BBOF1: variants seen among roughly 807,000 people sequenced by gnomAD.
BBOF1 encodes the protein basal body orientation factor 1.
BBOF1 carries 62 observed loss-of-function variants against 68.0 expected under a neutral mutation model. The ratio of observed to expected loss-of-function variants is 0.91; its 90% CI spans 0.74 to 1.13. BBOF1 has a LOEUF of 1.13. Ranked by LOEUF, BBOF1 falls within the 50% of genes most tolerant of loss-of-function variation. The pLI, the probability that BBOF1 is intolerant of heterozygous loss-of-function variation, is 0.00. For missense variants in BBOF1, 534 were observed against 600.1 expected (o/e 0.89, Z 1.15); for synonymous variants, 208 against 198.8 (o/e 1.05, Z -0.39).
At chr14:74,059,172 GTCATGGAAA>G in intron 11 of BBOF1, 1 of 219,300 alleles carries the variant, frequency 4.6e-6, no homozygotes, top group African/African-American at 2.4e-5. Flanking sequence ...ACCACTTTAT[GTCATGGAAA>G]GCTTCGAAAT....
intron 2 of BBOF1, among the ~76,000 whole-genome samples, chr14:74,028,949 CA>C (rs36030871): frequency 2.5e-5 from 1 of 39,912 alleles, no homozygotes; most frequent in Admixed American, 2.5e-4. Flanking sequence ...TATTTTTAAC[CA>C]CACACACACA....
chr14:74,049,298 A>G (rs1375906363), intron 7 of BBOF1, among the ~76,000 whole-genome samples: 1 of 152,162 alleles, frequency 6.6e-6, no homozygotes, highest in East Asian at 1.9e-4. Flanking sequence ...GAATACCAAA[A>G]TATCACCTCA....
intron 3 of BBOF1, among the ~76,000 whole-genome samples, chr14:74,033,577 T>A (rs764337869): frequency 2.9e-5 from 4 of 136,176 alleles, no homozygotes; most frequent in South Asian, 2.3e-4. Flanking sequence ...CTCAAAAAAA[T>A]AATAATAATA....
chr14:74,078,360 CT>C (rs201196501), intron 10 of BBOF1: 50,241 of 315,422 alleles, frequency 0.16, 1,845 homozygotes, highest in South Asian at 0.34. Context: ...GAGGTATATA[CT>C]TTTTTTTTTT....
chr14:74,028,511 CAAAT>C (rs1470637649), intron 2 of BBOF1, among the ~76,000 whole-genome samples: 1 of 86,648 alleles, frequency 1.2e-5, no homozygotes, highest in Non-Finnish European at 2.4e-5. Context: ...CACACACACA[CAAAT>C]AGAGGGAAAG....
chr14:74,080,142 T>G (rs2060656513), intron 10 of BBOF1, among the ~76,000 whole-genome samples: 1 of 152,200 alleles, frequency 6.6e-6, no homozygotes, highest in South Asian at 2.1e-4. Context: ...ATAGGGCTAC[T>G]CCTTAACAAG....
chr14:74,068,936 A>G, downstream of BBOF1: 3 of 1,614,028 alleles, frequency 1.9e-6, no homozygotes, highest in East Asian at 2.2e-5. Flanking sequence ...GGATCCCACA[A>G]AGCTGATTGC....
At chr14:74,056,402 G>A (rs2060206485) in intron 9 of BBOF1, among the ~76,000 whole-genome samples, 1 of 151,770 alleles carries the variant, frequency 6.6e-6, no homozygotes, top group Non-Finnish European at 1.5e-5. Context: ...GTTTTACCAT[G>A]TTATCCAGGC....
chr14:74,027,753 C>T (rs1187144465), intron 2 of BBOF1, among the ~76,000 whole-genome samples: 1 of 151,968 alleles, frequency 6.6e-6, no homozygotes, highest in African/African-American at 2.4e-5. Flanking sequence ...AAACATACAA[C>T]CTGAATCTAC....
chr14:74,020,200 G>A (rs1436747072), intron 1 of BBOF1, among the ~76,000 whole-genome samples: 1 of 151,842 alleles, frequency 6.6e-6, no homozygotes, highest in Non-Finnish European at 1.5e-5. Context: ...CTTATATGTG[G>A]CTTTTTTCTT....
chr14:74,065,813 C>G lies in BBOF1; in HGVS notation c.*1114C>G, dbSNP rs1383958276. On this transcript the variant is annotated 3_prime_UTR_variant, in exon 12 of 12. Coordinates refer to ENST00000394009, the MANE Select transcript of BBOF1 (RefSeq NM_025057.3). The stretch of plus-strand genomic sequence containing the variant: ...AATCCATTCTTATTCACTCCTTTGC[C>G]TCCCAAATATGTCTGTATGTTTATA... 2 of 183,118 alleles carry G rather than the reference C, an allele frequency of 1.1e-5. No individual in the cohort carries two copies. The highest frequency in any genetic ancestry group is 4.8e-5 in the African/African-American group (2 of 41,686). 11.3% of individuals were successfully genotyped at this position (183,118 alleles called of 1,614,324 possible).
At chr14:74,052,986 GATGC>G (rs2060102804) in intron 8 of BBOF1, among the ~76,000 whole-genome samples, 1 of 141,962 alleles carries the variant, frequency 7.0e-6, no homozygotes, top group Non-Finnish European at 1.5e-5. Flanking sequence ...GAGCCATGAT[GATGC>G]CACTGCACTC....
At chr14:74,026,051 G>A (rs1215760978) in intron 2 of BBOF1, among the ~76,000 whole-genome samples, 2 of 151,552 alleles carry the variant, frequency 1.3e-5, no homozygotes, top group African/African-American at 4.9e-5. Context: ...TGAGGCACGA[G>A]AATTGCTTGA....
At chr14:74,037,309 TGAGACAGAG>T (rs2059729489) in intron 4 of BBOF1, among the ~76,000 whole-genome samples, 1 of 141,568 alleles carries the variant, frequency 7.1e-6, no homozygotes. Flanking sequence ...TTTCTTTTCT[TGAGACAGAG>T]TCTCGCTCTT....
At chr14:74,070,920 G>A, downstream of BBOF1, 1 of 445,518 alleles carries the variant, frequency 2.2e-6, no homozygotes, top group Non-Finnish European at 4.1e-6. Flanking sequence ...TCTTCACACT[G>A]AAGAAAAAAG....
At chr14:74,068,993 A>G (rs10146187), downstream of BBOF1, 2,595 of 1,613,516 alleles carry the variant, frequency 1.6e-3, 39 homozygotes, top group African/African-American at 0.03. Context: ...TTTAAGAAGA[A>G]AATAAATGAT....
chr14:74,037,767 A>T (rs1057236575), intron 4 of BBOF1, among the ~76,000 whole-genome samples: 2 of 151,956 alleles, frequency 1.3e-5, no homozygotes, highest in African/African-American at 4.8e-5. Flanking sequence ...CAGCCTGACC[A>T]ACATGGAGAA....
In BBOF1 at chr14:74,072,041, A is replaced by G. The variant is rs540628724; in HGVS notation, n.1380-6155A>G. 2.1e-4 allele frequency: 324 copies of G among 1,578,272 alleles called. 1 individual carries two copies. Among genetic ancestry groups the G allele is most frequent in the Non-Finnish European group, 2.7e-4 (307 of 1,147,852 alleles). On this transcript the variant is annotated intron_variant and non_coding_transcript_variant, in intron 9 of 12. Coordinates refer to the BBOF1 transcript ENST00000492026. Reference sequence around the variant, plus strand: ...TCCTCTTTTAAATTCTGAGGTAGCAAAGGAAGAATAAGACTGGAGGAGATG... The same window carrying G: ...TCCTCTTTTAAATTCTGAGGTAGCAGAGGAAGAATAAGACTGGAGGAGATG...
In BBOF1 at chr14:74,035,584, A is replaced by ATTTTTTTTTTTTTTT. The variant is rs71460945; in HGVS notation, c.495+1427_495+1441dup. ...AGGCGTGCACCACCACCCCCAGCTA[A>ATTTTTTTTTTTTTTT]TTTTTTTTTTTTTTTTTTTTTTTTT... On this transcript the variant is annotated intron_variant, in intron 4 of 11. Coordinates refer to ENST00000394009, the MANE Select transcript of BBOF1 (RefSeq NM_025057.3). 1.1e-4 allele frequency among the ~76,000 whole-genome samples: 9 copies of ATTTTTTTTTTTTTTT among 81,392 alleles called. 1 individual carries two copies. Among genetic ancestry groups the ATTTTTTTTTTTTTTT allele is most frequent in the African/African-American group, 5.1e-4 (8 of 15,658 alleles). The allele number at this position is 81,392 out of a possible 152,430, so 53.4% of individuals were successfully genotyped here.
Sources: gnomAD v4.1 joint callset for allele counts (sites outside exome capture counted in the v4.1 genomes callset) on GRCh38, gnomAD v4.1.1 for gene constraint, MANE v1.5 for transcripts, NCBI Gene and HGNC (gene_info 2026-07-23, HGNC 2026-07-21) for gene names.